Variants in ABLIM2 observed in about 807,000 individuals in gnomAD.
ABLIM2 encodes actin-binding LIM protein 2.
In ABLIM2, 53 loss-of-function variants were observed where a neutral mutation model predicts 97.7. That is an observed-to-expected ratio of 0.54 (90% CI 0.44 to 0.68). The LOEUF (loss-of-function observed/expected upper bound fraction) is 0.68. Among genes scored for constraint, ABLIM2 ranks in the 30% least tolerant of loss-of-function variants. The probability of loss-of-function intolerance (pLI) is 0.00; values close to 1 mark genes in which losing one functional copy is unlikely to be tolerated. For missense variants in ABLIM2, 835 were observed against 867.2 expected (o/e 0.96, Z 0.47); for synonymous variants, 361 against 345.8 (o/e 1.04, Z -0.49).
rs1035144098 is a variant in ABLIM2, at chr4:8,069,209, G to A, written c.676-8155C>T. On this transcript the variant is annotated intron_variant, in intron 6 of 20. Coordinates refer to ENST00000447017, the MANE Select transcript of ABLIM2 (RefSeq NM_001130083.2). The surrounding 1 kb of genome is among the most constrained non-coding windows in gnomAD (Gnocchi z 4.2). ...GCGGCCTCATTCTCTGCTGTACCCC[G>A]GCGTCCCCTCCAGCAGTGGCACTGG... is the stretch of plus-strand genomic sequence containing the variant. 2.6e-5 allele frequency among the ~76,000 whole-genome samples: 4 copies of A among 152,252 alleles called. No individual in the cohort carries two copies. The highest frequency in any genetic ancestry group is 3.9e-4 in the East Asian group (2 of 5,192).
intron 9 of ABLIM2, among the ~76,000 whole-genome samples, chr4:8,039,186 C>A (rs375327732): frequency 6.6e-6 from 1 of 152,206 alleles, no homozygotes; most frequent in African/African-American, 2.4e-5. Flanking sequence ...AAAAGCCAAT[C>A]AAGCATTTGC....
At chr4:7,988,560 G>A (rs571000420) in intron 17 of ABLIM2, among the ~76,000 whole-genome samples, 1 of 152,192 alleles carries the variant, frequency 6.6e-6, no homozygotes. Flanking sequence ...TTTGCCACTG[G>A]TCACCCTTCT....
At chr4:8,096,550 C>T (rs995553000) in intron 3 of ABLIM2, among the ~76,000 whole-genome samples, 2 of 152,230 alleles carry the variant, frequency 1.3e-5, no homozygotes, top group African/African-American at 4.8e-5. Context: ...CTCCGGCACA[C>T]GCTGTAACCA....
intron 18 of ABLIM2, 127 bp from the exon 19 acceptor site, chr4:7,983,681 TCCCC>T: frequency 6.9e-6 from 8 of 1,167,032 alleles, no homozygotes; most frequent in Non-Finnish European, 8.8e-6. Context: ...CCATGCATGG[TCCCC>T]GAGCAGCCTG....
chr4:8,068,092 C>G lies in ABLIM2; in HGVS notation c.676-7038G>C, dbSNP rs1809221680. 6.6e-6 allele frequency among the ~76,000 whole-genome samples: 1 copy of G among 151,004 alleles called. No individual in the cohort carries two copies. Among genetic ancestry groups the G allele is most frequent in the African/African-American group, 2.5e-5 (1 of 40,322 alleles). ...CTCATAGTGACTGGGGCGTCCCAGTCATCGGTACAGTGGCCACATCCTCCC... is the reference window on the plus strand; with the variant it reads ...CTCATAGTGACTGGGGCGTCCCAGTGATCGGTACAGTGGCCACATCCTCCC... On this transcript the variant is annotated intron_variant, in intron 6 of 20. Transcript: ENST00000447017. This position sits in a 1 kb window ranked among gnomAD's most constrained non-coding sequence, Gnocchi z 4.5.
intron 1 of ABLIM2, among the ~76,000 whole-genome samples, chr4:8,136,522 T>C (rs1017813839): frequency 1.3e-5 from 2 of 152,144 alleles, no homozygotes; most frequent in African/African-American, 4.8e-5. Flanking sequence ...AAACTAGACA[T>C]GGGGGAAGGG....
At chr4:8,156,860 G>T (rs1715535382) in intron 1 of ABLIM2, among the ~76,000 whole-genome samples, 1 of 152,254 alleles carries the variant, frequency 6.6e-6, no homozygotes, top group South Asian at 2.1e-4. Flanking sequence ...CCCACTGTGT[G>T]GGTGGAATGC....
chr4:8,077,238 G>A (rs906423860), intron 6 of ABLIM2, among the ~76,000 whole-genome samples: 3 of 152,198 alleles, frequency 2.0e-5, no homozygotes, highest in African/African-American at 7.2e-5. Flanking sequence ...CTGCATAATT[G>A]CTATCTGCCC....
intron 18 of ABLIM2, among the ~76,000 whole-genome samples, chr4:7,983,799 C>T (rs1360769983): frequency 6.6e-6 from 1 of 152,198 alleles, no homozygotes; most frequent in Admixed American, 6.5e-5. Flanking sequence ...GGCTGGAAGC[C>T]GGAGGGCGGC....
Position 8,072,232 on chromosome 4 carries a change from C to T in ABLIM2, c.675+5396G>A, listed in dbSNP as rs1314412585. ...ATGGTTCCTTCCCGATGAACCAGGG[C>T]GCACCCCAAATTCTGTATTTGGCAT... On this transcript the variant is annotated intron_variant, in intron 6 of 20. Coordinates refer to ENST00000447017, the MANE Select transcript of ABLIM2 (RefSeq NM_001130083.2). The surrounding 1 kb of genome is among the most constrained non-coding windows in gnomAD (Gnocchi z 5.8). 1.3e-5 allele frequency among the ~76,000 whole-genome samples: 2 copies of T among 152,218 alleles called. No individual in the cohort carries two copies. The highest frequency in any genetic ancestry group is 2.4e-5 in the African/African-American group (1 of 41,454).
At chr4:8,137,238 C>A (rs767266058) in intron 1 of ABLIM2, among the ~76,000 whole-genome samples, 10 of 152,224 alleles carry the variant, frequency 6.6e-5, no homozygotes, top group East Asian at 1.9e-4. Flanking sequence ...AGGACCCCCC[C>A]ACTCTGCTTT....
In ABLIM2 at chr4:7,999,505, C is replaced by G. The variant is rs1054391183; in HGVS notation, c.1619-6578G>C. Among the ~76,000 whole-genome samples, 1 of 152,214 alleles carries G rather than the reference C, an allele frequency of 6.6e-6. No homozygotes were observed. Among genetic ancestry groups the G allele is most frequent in the Non-Finnish European group, 1.5e-5 (1 of 68,042 alleles). On this transcript the variant is annotated intron_variant, in intron 16 of 20. Coordinates refer to ENST00000447017, the MANE Select transcript of ABLIM2 (RefSeq NM_001130083.2). The surrounding 1 kb of genome is among the most constrained non-coding windows in gnomAD (Gnocchi z 4.4). ...CGATCTGTTCAAGGTCAAACAGTTA[C>G]TAACTAGAGAGGCTGAGATGAGGAG...
rs997222176 is a variant in ABLIM2 at position 8,082,196 on chromosome 4, C to A, written c.455-1394G>T. 6.6e-6 allele frequency among the ~76,000 whole-genome samples: 1 copy of A among 152,102 alleles called. No individual in the cohort carries two copies. The highest frequency in any genetic ancestry group is 2.4e-5 in the African/African-American group (1 of 41,428). Reference sequence around the variant, plus strand: ...AGACCAAGCAGGGACCCCTCGTGCCCAAGGAAACCTCTACCCAAGATGGAA... The same window carrying A: ...AGACCAAGCAGGGACCCCTCGTGCCAAAGGAAACCTCTACCCAAGATGGAA... On this transcript the variant is annotated intron_variant, in intron 4 of 20. Transcript: ENST00000447017. The surrounding 1 kb of genome is among the most constrained non-coding windows in gnomAD (Gnocchi z 5.6).
intron 3 of ABLIM2, among the ~76,000 whole-genome samples, chr4:8,093,590 CT>C (rs1351077589): frequency 6.6e-6 from 1 of 152,194 alleles, no homozygotes; most frequent in East Asian, 1.9e-4. Flanking sequence ...ATCCCATACC[CT>C]TTAGCAGTCT....
At position 7,966,867 on chromosome 4, in the gene ABLIM2, T is replaced by TCCCCC; in HGVS notation, c.*122_*123insGGGGG. ...GGGCCGCACCTGCTGGGGGACCCCC[T>TCCCCC]CCCGCCCACCCCATGGACACAGAGA... On this transcript the variant is annotated 3_prime_UTR_variant, in exon 21 of 21. Coordinates refer to ENST00000447017, the MANE Select transcript of ABLIM2 (RefSeq NM_001130083.2). The TCCCCC allele has an allele frequency of 4.1e-5, 3 of 72,712 alleles. No individual in the cohort carries two copies. The highest frequency in any genetic ancestry group is 1.8e-4 in the Admixed American group (1 of 5,502). The allele number at this position is 72,712 out of a possible 1,614,324, so 4.5% of individuals were successfully genotyped here. A position where few individuals can be genotyped will look rare whatever the true frequency, so the allele number is the denominator to read the frequency against.
At chr4:8,088,359 G>C in intron 3 of ABLIM2, 75 bp from the exon 4 acceptor site, 2 of 1,195,266 alleles carry the variant, frequency 1.7e-6, no homozygotes, top group South Asian at 2.7e-5. Context: ...CCCAGTGCAG[G>C]AGACCAGGGC....
In ABLIM2 at chr4:8,019,538, CA is replaced by C; in HGVS notation, c.1423+79del. 7.1e-7 allele frequency: 1 copy of C among 1,411,800 alleles called. No homozygotes were observed. The highest frequency in any genetic ancestry group is 1.2e-5 in the South Asian group (1 of 80,414). 87.5% of individuals were successfully genotyped at this position (1,411,800 alleles called of 1,614,324 possible). A position where few individuals can be genotyped will look rare whatever the true frequency, so the allele number is the denominator to read the frequency against. On this transcript the variant is annotated intron_variant, in intron 14 of 20. Transcript: ENST00000447017. The surrounding 1 kb of genome is among the most constrained non-coding windows in gnomAD (Gnocchi z 4.3). ...CTTCACTGCATTTATCAGAACACAA[CA>C]AAAGGATGCATTCAGAAGCAGATGG...
intron 1 of ABLIM2, among the ~76,000 whole-genome samples, chr4:8,152,404 G>A (rs976132124): frequency 3.9e-5 from 6 of 152,176 alleles, no homozygotes; most frequent in South Asian, 2.1e-4. Context: ...CGGCCGCTCC[G>A]AGCAGCGCTG....
intron 1 of ABLIM2, among the ~76,000 whole-genome samples, chr4:8,135,178 A>G (rs1415709784): frequency 6.6e-6 from 1 of 152,246 alleles, no homozygotes; most frequent in Non-Finnish European, 1.5e-5. Context: ...ACATTCCAGA[A>G]TAAAAGCTAC....
Sources: allele counts gnomAD v4.1 joint callset (sites outside exome capture counted in the v4.1 genomes callset), GRCh38; gene constraint gnomAD v4.1.1; non-coding constraint Gnocchi (gnomAD v3.1); transcripts MANE v1.5; gene names NCBI Gene and HGNC (gene_info 2026-07-23, HGNC 2026-07-21).